SIPA1L1: variants seen among roughly 807,000 people sequenced by gnomAD.
The protein encoded by SIPA1L1 is signal-induced proliferation-associated 1-like protein 1.
Under a neutral mutation model 162.7 loss-of-function variants are expected in SIPA1L1, and 26 were observed. The ratio of observed to expected loss-of-function variants is 0.16; its 90% CI spans 0.12 to 0.22. SIPA1L1 has a LOEUF of 0.22. Among genes scored for constraint, SIPA1L1 ranks in the 10% least tolerant of loss-of-function variants. SIPA1L1 has a pLI of 1.00. For synonymous variants in SIPA1L1, 829 were observed against 837.4 expected (o/e 0.99, Z 0.17); for missense variants, 1,874 against 2,241.0 (o/e 0.84, Z 3.31).
At chr14:71,409,768 A>T (rs1467032757) in intron 2 of SIPA1L1, among the ~76,000 whole-genome samples, 1 of 152,224 alleles carries the variant, frequency 6.6e-6, no homozygotes, top group African/African-American at 2.4e-5. Flanking sequence ...CTTAGTCTCA[A>T]ATAGTTCAGG....
In SIPA1L1 at chr14:71,402,483, G is replaced by T. The variant is rs570736059; in HGVS notation, c.-465+81302G>T. ...CTTGCCTCAGCCTCCTGAGTAGGTG[G>T]GATTACAGGTGTGAACCATCACACC... On this transcript the variant is annotated intron_variant, in intron 2 of 23. Coordinates refer to ENST00000381232, the MANE Select transcript of SIPA1L1 (RefSeq NM_001386936.1). Among the ~76,000 whole-genome samples the T allele has an allele frequency of 9.2e-5, 14 of 152,000 alleles. No individual in the cohort carries two copies. In the East Asian group the frequency reaches 1.9e-3, roughly 21 times the overall value.
chr14:71,452,144 G>A (rs1188430390), intron 2 of SIPA1L1, among the ~76,000 whole-genome samples: 6 of 151,788 alleles, frequency 4.0e-5, no homozygotes, highest in Non-Finnish European at 5.9e-5. Flanking sequence ...TAAAAATCAG[G>A]ATACCACCAC....
At chr14:71,612,199 A>G (rs1382472941) in intron 5 of SIPA1L1, among the ~76,000 whole-genome samples, 5 of 152,134 alleles carry the variant, frequency 3.3e-5, no homozygotes, top group Non-Finnish European at 5.9e-5. Context: ...ATGATCAATT[A>G]GGGTAATTCT....
At chr14:71,704,638 A>G in intron 15 of SIPA1L1, 4 of 969,050 alleles carry the variant, frequency 4.1e-6, no homozygotes, top group Admixed American at 1.8e-5. Flanking sequence ...TTGGAACCCC[A>G]TCTTGAACGC....
intron 2 of SIPA1L1, among the ~76,000 whole-genome samples, chr14:71,343,583 G>A (rs2035869430): frequency 6.6e-6 from 1 of 152,102 alleles, no homozygotes; most frequent in African/African-American, 2.4e-5. Context: ...CCATCATTCT[G>A]CCACCCAAGA....
chr14:71,344,543 C>A (rs913758325), intron 2 of SIPA1L1, among the ~76,000 whole-genome samples: 23 of 151,408 alleles, frequency 1.5e-4, no homozygotes, highest in African/African-American at 5.6e-4. Flanking sequence ...TTAAAAATTT[C>A]TCTATCTGTC....
chr14:71,583,056 G>A (rs2034150308), intron 4 of SIPA1L1, among the ~76,000 whole-genome samples: 3 of 152,198 alleles, frequency 2.0e-5, no homozygotes, highest in Admixed American at 2.0e-4. Context: ...GTACTGTGAA[G>A]TTATATTTCT....
chr14:71,673,771 T>C (rs2044780874), intron 12 of SIPA1L1, among the ~76,000 whole-genome samples: 1 of 152,236 alleles, frequency 6.6e-6, no homozygotes, highest in South Asian at 2.1e-4. Flanking sequence ...AATCAAAATA[T>C]GAACTTTTAA....
chr14:71,444,134 T>C (rs949332962), intron 2 of SIPA1L1, among the ~76,000 whole-genome samples: 2 of 152,238 alleles, frequency 1.3e-5, no homozygotes, highest in Admixed American at 6.5e-5. Context: ...GTTAGGATGT[T>C]CCATGTCTTA....
intron 2 of SIPA1L1, among the ~76,000 whole-genome samples, chr14:71,392,541 T>G (rs890451296): frequency 1.3e-5 from 2 of 152,200 alleles, no homozygotes; most frequent in African/African-American, 4.8e-5. Context: ...ATTGAAACTT[T>G]TTTTTTTGAG....
At chr14:71,467,956 A>T (rs140443120) in intron 2 of SIPA1L1, among the ~76,000 whole-genome samples, 1 of 152,000 alleles carries the variant, frequency 6.6e-6, no homozygotes. Context: ...TGCCTGGCAC[A>T]TAGTAAGGAC....
At chr14:71,356,007 G>A (rs1197178440) in intron 2 of SIPA1L1, among the ~76,000 whole-genome samples, 1 of 152,148 alleles carries the variant, frequency 6.6e-6, no homozygotes, top group Non-Finnish European at 1.5e-5. Context: ...GAGTTTCTGG[G>A]AATGGTTGCC....
chr14:71,740,268 T>G lies in SIPA1L1; in HGVS notation c.*1107T>G, dbSNP rs1322286360. ...GGCTTTTGAAACCTGCATGTCCCAG[T>G]GTGAAATTTCAGCACGGCATTTTCT... On this transcript the variant is annotated 3_prime_UTR_variant, in exon 24 of 24. Coordinates refer to ENST00000381232, the MANE Select transcript of SIPA1L1 (RefSeq NM_001386936.1). The G allele has an allele frequency of 6.6e-6, 1 of 152,200 alleles. No individual in the cohort carries two copies. Among genetic ancestry groups the G allele is most frequent in the Non-Finnish European group, 1.5e-5 (1 of 68,040 alleles). The allele number at this position is 152,200 out of a possible 1,614,324, so 9.4% of individuals were successfully genotyped here. A position where few individuals can be genotyped will look rare whatever the true frequency, so the allele number is the denominator to read the frequency against.
Position 71,636,310 on chromosome 14 carries a change from C to T in SIPA1L1, c.1818+12074C>T, listed in dbSNP as rs578062877. 4.3e-4 allele frequency among the ~76,000 whole-genome samples: 66 copies of T among 152,196 alleles called. No individual in the cohort carries two copies. In the Middle Eastern group the frequency reaches 0.01, roughly 24 times the overall value. ...ACATCCTGTCCCATGAAATAAACAT[C>T]CTCAAATTTAAAAGAAGTGAAATAA... On this transcript the variant is annotated intron_variant, in intron 7 of 23. Coordinates refer to ENST00000381232, the MANE Select transcript of SIPA1L1 (RefSeq NM_001386936.1).
intron 16 of SIPA1L1, among the ~76,000 whole-genome samples, chr14:71,706,609 C>A (rs759894876): frequency 4.6e-5 from 7 of 152,166 alleles, no homozygotes; most frequent in Non-Finnish European, 1.0e-4. Context: ...TAAAGAAGTT[C>A]TGTCCTATTA....
At chr14:71,715,522 ATGTGCCATGTCATACACATTAGCATAGCC>A (rs2083203127) in intron 17 of SIPA1L1, among the ~76,000 whole-genome samples, 1 of 152,242 alleles carries the variant, frequency 6.6e-6, no homozygotes, top group Admixed American at 6.5e-5. Context: ...GCAGCTGGTA[ATGTGCCATGTCATACACATTAGCATAGCC>A]TAGTACCACC....
chr14:71,515,567 A>G (rs1159426196), intron 3 of SIPA1L1, among the ~76,000 whole-genome samples: 3 of 152,192 alleles, frequency 2.0e-5, no homozygotes, highest in Admixed American at 6.5e-5. Context: ...GTAACTTACC[A>G]TCTGTTTTAA....
chr14:71,352,660 C>G (rs142383083), intron 2 of SIPA1L1, among the ~76,000 whole-genome samples: 1 of 152,192 alleles, frequency 6.6e-6, no homozygotes, highest in East Asian at 1.9e-4. Context: ...AATGAGTAGC[C>G]CTGCAGCAAA....
intron 2 of SIPA1L1, among the ~76,000 whole-genome samples, chr14:71,425,472 A>G (rs139734240): frequency 1.3e-3 from 191 of 152,122 alleles, no homozygotes; most frequent in Admixed American, 3.9e-3. Flanking sequence ...CCTTTGATCT[A>G]TTGGTTAAGA....
Sources: gnomAD v4.1 joint callset for allele counts (sites outside exome capture counted in the v4.1 genomes callset) on GRCh38, gnomAD v4.1.1 for gene constraint, MANE v1.5 for transcripts, NCBI Gene and HGNC (gene_info 2026-07-23, HGNC 2026-07-21) for gene names.